Variants in SERGEF observed in about 807,000 individuals in gnomAD.
The protein encoded by SERGEF is secretion-regulating guanine nucleotide exchange factor.
SERGEF carries 51 observed loss-of-function variants against 50.0 expected under a neutral mutation model. The observed-to-expected ratio is 1.02, with a 90% CI of 0.81 to 1.29. SERGEF has a LOEUF of 1.29. Ranked by LOEUF, SERGEF falls within the 50% of genes most tolerant of loss-of-function variation. SERGEF has a pLI of 0.00. For synonymous variants in SERGEF, 205 were observed against 212.4 expected, an observed-to-expected ratio of 0.97 and a Z score of 0.30; for missense variants, 521 against 557.0, an observed-to-expected ratio of 0.94 and a Z score of 0.65.
intron 8 of SERGEF, among the ~76,000 whole-genome samples, chr11:17,978,035 A>T (rs926377279): frequency 2.6e-5 from 4 of 152,236 alleles, no homozygotes; most frequent in African/African-American, 9.6e-5. Flanking sequence ...ATAAGCTTTG[A>T]TATCAAACAC....
At chr11:17,799,383 G>A (rs1186217489) in intron 10 of SERGEF, among the ~76,000 whole-genome samples, 1 of 152,192 alleles carries the variant, frequency 6.6e-6, no homozygotes, top group African/African-American at 2.4e-5. Flanking sequence ...TACCTGGCCT[G>A]GCCCGTATGC....
intron 9 of SERGEF, chr11:17,918,662 ACTCT>A (rs143834429): frequency 0.033 from 13,548 of 411,324 alleles, 855 homozygotes; most frequent in Admixed American, 0.064. Context: ...ATACACACAC[ACTCT>A]CTCTCTCTCT....
chr11:17,811,310 C>T (rs1367231577), intron 10 of SERGEF, among the ~76,000 whole-genome samples: 1 of 152,232 alleles, frequency 6.6e-6, no homozygotes, highest in Non-Finnish European at 1.5e-5. Flanking sequence ...CTGGGTCCCA[C>T]ATGGACGTAG....
intron 10 of SERGEF, among the ~76,000 whole-genome samples, chr11:17,871,334 G>A (rs1019716985): frequency 9.9e-5 from 15 of 151,946 alleles, no homozygotes; most frequent in East Asian, 5.8e-4. Flanking sequence ...GGTGGCAGGC[G>A]CCTGTAGTCC....
chr11:17,875,492 A>G (rs1364935454), intron 10 of SERGEF, among the ~76,000 whole-genome samples: 1 of 152,200 alleles, frequency 6.6e-6, no homozygotes, highest in East Asian at 1.9e-4. Context: ...ATTGACTCAC[A>G]ATAAACTTTC....
At chr11:17,830,235 C>A (rs954866172) in intron 10 of SERGEF, among the ~76,000 whole-genome samples, 4 of 152,194 alleles carry the variant, frequency 2.6e-5, no homozygotes, top group Non-Finnish European at 5.9e-5. Flanking sequence ...TGCCCTGGCA[C>A]ATATTAGGCA....
At chr11:17,979,669 G>C (rs928054607) in intron 8 of SERGEF, among the ~76,000 whole-genome samples, 3 of 152,108 alleles carry the variant, frequency 2.0e-5, no homozygotes, top group African/African-American at 7.2e-5. Flanking sequence ...TATTCTTTGT[G>C]GACTCAACTG....
rs1565194730 is a variant in SERGEF at position 17,884,746 on chromosome 11, T to TA, written c.1012-6503_1012-6502insT. Among the ~76,000 whole-genome samples, 3 of 152,102 alleles carry TA rather than the reference T, an allele frequency of 2.0e-5. No homozygotes were observed. Among genetic ancestry groups the TA allele is most frequent in the South Asian group, 2.1e-4 (1 of 4,828 alleles). On this transcript the variant is annotated intron_variant, in intron 9 of 10. Coordinates refer to ENST00000265965, the MANE Select transcript of SERGEF (RefSeq NM_012139.4). This position sits in a 1 kb window ranked among gnomAD's most constrained non-coding sequence, Gnocchi z 4.6. ...ATGTGTATATGTTATATATACATTT[T>TA]TAAAAAAAGCACATTGTATGTATGC...
At chr11:17,947,128 T>C (rs1852678432) in intron 9 of SERGEF, among the ~76,000 whole-genome samples, 2 of 152,224 alleles carry the variant, frequency 1.3e-5, no homozygotes, top group East Asian at 3.8e-4. Context: ...GAGTTAAGAT[T>C]TCCGTTCAAT....
At chr11:17,923,573 C>T (rs1459034229) in intron 9 of SERGEF, among the ~76,000 whole-genome samples, 1 of 152,176 alleles carries the variant, frequency 6.6e-6, no homozygotes, top group Admixed American at 6.5e-5. Flanking sequence ...GGGCCTGGAC[C>T]AGGGTGGAGG....
chr11:17,838,960 T>C (rs1850452781), intron 10 of SERGEF, among the ~76,000 whole-genome samples: 1 of 152,166 alleles, frequency 6.6e-6, no homozygotes, highest in Admixed American at 6.5e-5. Flanking sequence ...AGACAAACTA[T>C]TGCACCTTGC....
chr11:17,920,556 C>T lies in SERGEF; in HGVS notation c.1011+38914G>A, dbSNP rs1415544721. Among the ~76,000 whole-genome samples, 3 of 152,186 alleles carry T rather than the reference C, an allele frequency of 2.0e-5. 1 individual carries two copies. The highest frequency in any genetic ancestry group is 4.1e-4 in the South Asian group (2 of 4,828). ...ACTGAGGCTGAGAGGAGGAATGCAA[C>T]TTTCCCTAAATAACACAGTTGTCAA... On this transcript the variant is annotated intron_variant, in intron 9 of 10. Coordinates refer to ENST00000265965, the MANE Select transcript of SERGEF (RefSeq NM_012139.4).
intron 8 of SERGEF, among the ~76,000 whole-genome samples, chr11:17,963,261 G>A (rs1439971773): frequency 1.4e-5 from 2 of 144,322 alleles, no homozygotes; most frequent in African/African-American, 2.5e-5. Flanking sequence ...TAGAAAGGGA[G>A]TCAAGATTGC....
chr11:17,854,566 G>A (rs1020764948), intron 10 of SERGEF, among the ~76,000 whole-genome samples: 3 of 151,940 alleles, frequency 2.0e-5, no homozygotes, highest in Non-Finnish European at 4.4e-5. Context: ...AATCTCTTCC[G>A]TACTTCCTAT....
intron 9 of SERGEF, among the ~76,000 whole-genome samples, chr11:17,891,891 A>T (rs1444502257): frequency 1.3e-5 from 2 of 152,170 alleles, no homozygotes; most frequent in Non-Finnish European, 2.9e-5. Flanking sequence ...TTGGCTAGAC[A>T]TTTTTCCTAA....
intron 9 of SERGEF, among the ~76,000 whole-genome samples, chr11:17,878,922 A>C (rs938332105): frequency 1.3e-5 from 2 of 152,178 alleles, no homozygotes; most frequent in Non-Finnish European, 1.5e-5. Flanking sequence ...TTCTAGGCAG[A>C]CTCAGGTGCA....
At chr11:17,922,808 A>G (rs1407967504) in intron 9 of SERGEF, among the ~76,000 whole-genome samples, 1 of 152,216 alleles carries the variant, frequency 6.6e-6, no homozygotes, top group Non-Finnish European at 1.5e-5. Context: ...CACCTGGCAC[A>G]ATGCACATAA....
At chr11:17,938,686 G>C (rs909648728) in intron 9 of SERGEF, among the ~76,000 whole-genome samples, 7 of 152,182 alleles carry the variant, frequency 4.6e-5, no homozygotes, top group African/African-American at 1.7e-4. Flanking sequence ...CATACTTGTA[G>C]TTAGGAGTAA....
intron 10 of SERGEF, among the ~76,000 whole-genome samples, chr11:17,821,372 T>C (rs543434860): frequency 9.1e-4 from 138 of 152,316 alleles, no homozygotes; most frequent in African/African-American, 3.1e-3. Context: ...TAACTTATCA[T>C]GTATCACCCC....
Sources: gnomAD v4.1 joint callset for allele counts (sites outside exome capture counted in the v4.1 genomes callset) on GRCh38, gnomAD v4.1.1 for gene constraint, Gnocchi (gnomAD v3.1) non-coding constraint, MANE v1.5 for transcripts, NCBI Gene and HGNC (gene_info 2026-07-23, HGNC 2026-07-21) for gene names.